The following CELF4 variants were observed in gnomAD, a reference collection of about 807,000 sequenced individuals.
CELF4 encodes the protein CUG-BP- and ETR-3-like factor 4.
In CELF4, 18 loss-of-function variants were observed where a neutral mutation model predicts 59.9. The observed-to-expected ratio is 0.30, with a 90% confidence interval of 0.21 to 0.45. The LOEUF is 0.45. CELF4 is among the 20% of genes least tolerant of loss of function. CELF4 has a pLI of 1.00. For synonymous variants in CELF4, 261 were observed against 267.1 expected, an observed-to-expected ratio of 0.98 and a Z score of 0.22; for missense variants, 456 against 689.0, an observed-to-expected ratio of 0.66 and a Z score of 3.79.
intron 2 of CELF4, among the ~76,000 whole-genome samples, chr18:37,421,337 G>C (rs965409287): frequency 1.3e-5 from 2 of 152,188 alleles, no homozygotes; most frequent in Non-Finnish European, 2.9e-5. Context: ...CCCTCCTTGC[G>C]CACTGGCTGG....
chr18:37,335,703 GT>G (rs1276684464), intron 2 of CELF4, among the ~76,000 whole-genome samples: 1 of 151,986 alleles, frequency 6.6e-6, no homozygotes, highest in Non-Finnish European at 1.5e-5. Context: ...GAACATCAGG[GT>G]TTTCACAGGT....
At chr18:37,514,122 G>T (rs1457914955) in intron 1 of CELF4, among the ~76,000 whole-genome samples, 1 of 152,032 alleles carries the variant, frequency 6.6e-6, no homozygotes, top group African/African-American at 2.4e-5. Context: ...CAGAGCACTG[G>T]GTCCCTGGTA....
intron 2 of CELF4, among the ~76,000 whole-genome samples, chr18:37,333,217 T>C (rs1244818038): frequency 1.3e-5 from 2 of 152,120 alleles, no homozygotes; most frequent in African/African-American, 2.4e-5. Flanking sequence ...TATCCCCTCA[T>C]GGGGTGTGGA....
intron 2 of CELF4, among the ~76,000 whole-genome samples, chr18:37,352,163 G>A (rs538889620): frequency 1.3e-5 from 2 of 152,354 alleles, no homozygotes; most frequent in South Asian, 2.1e-4. Context: ...TCCTGGGTGT[G>A]CAAGGGCAGA....
At chr18:37,515,110 C>G (rs1238088173) in intron 1 of CELF4, among the ~76,000 whole-genome samples, 1 of 152,134 alleles carries the variant, frequency 6.6e-6, no homozygotes, top group Non-Finnish European at 1.5e-5. Context: ...TTTGATAACT[C>G]TGGGCTTAAA....
intron 1 of CELF4, among the ~76,000 whole-genome samples, chr18:37,551,546 C>T (rs1464442458): frequency 1.3e-5 from 2 of 152,194 alleles, no homozygotes; most frequent in Non-Finnish European, 2.9e-5. Context: ...TCCAGCCACT[C>T]CTGTGCTGGG....
At chr18:37,290,472 T>A (rs1007571296) in intron 3 of CELF4, among the ~76,000 whole-genome samples, 1 of 152,214 alleles carries the variant, frequency 6.6e-6, no homozygotes, top group Non-Finnish European at 1.5e-5. Context: ...CACTGATGAA[T>A]TTTTGATGTT....
intron 2 of CELF4, among the ~76,000 whole-genome samples, chr18:37,371,821 T>C (rs1434003904): frequency 1.3e-5 from 2 of 152,198 alleles, no homozygotes; most frequent in Admixed American, 6.5e-5. Context: ...CTGAGGCTTA[T>C]GCCTGACTCA....
At position 37,370,607 on chromosome 18, in the gene CELF4, G is replaced by A. The variant is rs536665940; in HGVS notation, c.370-48726C>T. Reference sequence around the variant, plus strand: ...CATACTCCTTGCACAGCAATGAAAAGTAGCATGCTTTTAATGTTTGCCTAA... The same window carrying A: ...CATACTCCTTGCACAGCAATGAAAAATAGCATGCTTTTAATGTTTGCCTAA... On this transcript the variant is annotated intron_variant, in intron 2 of 12. Coordinates refer to ENST00000420428, the MANE Select transcript of CELF4 (RefSeq NM_020180.4). Among the ~76,000 whole-genome samples, 371 of 152,248 alleles carry A rather than the reference G, an allele frequency of 2.4e-3. 2 individuals are homozygous for A. The highest frequency in any genetic ancestry group is 6.1e-3 in the Admixed American group (93 of 15,292).
intron 2 of CELF4, among the ~76,000 whole-genome samples, chr18:37,394,028 G>A (rs918019641): frequency 4.3e-4 from 65 of 152,184 alleles, no homozygotes; most frequent in African/African-American, 1.5e-3. Flanking sequence ...CCAGCTTGTC[G>A]GGGGCCGCAG....
chr18:37,291,471 G>C (rs11081995), intron 3 of CELF4, among the ~76,000 whole-genome samples: 1 of 152,156 alleles, frequency 6.6e-6, no homozygotes, highest in Non-Finnish European at 1.5e-5. Context: ...TGCCTTCAGC[G>C]AAGATAAAAT....
chr18:37,378,225 C>T (rs189016057), intron 2 of CELF4, among the ~76,000 whole-genome samples: 2,404 of 152,314 alleles, frequency 0.016, 39 homozygotes, highest in Non-Finnish European at 0.022. Flanking sequence ...GCTCGCCCCA[C>T]GCCCACCCCA....
intron 2 of CELF4, among the ~76,000 whole-genome samples, chr18:37,403,008 T>C (rs995198625): frequency 1.5e-4 from 23 of 151,952 alleles, no homozygotes; most frequent in African/African-American, 5.6e-4. Context: ...GGGGGTGGCA[T>C]CTTTTCCCTC....
intron 2 of CELF4, among the ~76,000 whole-genome samples, chr18:37,371,150 G>A (rs549301039): frequency 5.9e-5 from 9 of 152,240 alleles, no homozygotes; most frequent in South Asian, 2.1e-4. Context: ...TACCCATCAC[G>A]TCCATCTGCT....
intron 12 of CELF4, among the ~76,000 whole-genome samples, chr18:37,248,634 C>T (rs1023876527): frequency 5.3e-5 from 8 of 152,340 alleles, no homozygotes; most frequent in Admixed American, 2.0e-4. Flanking sequence ...AAGGCCCCAA[C>T]CTTCAGCTTT....
chr18:37,312,346 A>T (rs953087032), intron 3 of CELF4, among the ~76,000 whole-genome samples: 2 of 152,086 alleles, frequency 1.3e-5, no homozygotes, highest in African/African-American at 2.4e-5. Context: ...GCCAGTTGCT[A>T]ATCCTTCAGC....
intron 2 of CELF4, among the ~76,000 whole-genome samples, chr18:37,450,396 G>T (rs1046881933): frequency 6.6e-6 from 1 of 151,460 alleles, no homozygotes; most frequent in Non-Finnish European, 1.5e-5. Context: ...CTCTCTCGGT[G>T]TCTCTCTCCT....
chr18:37,431,896 T>C (rs2099669149), intron 2 of CELF4, among the ~76,000 whole-genome samples: 1 of 152,244 alleles, frequency 6.6e-6, no homozygotes, highest in South Asian at 2.1e-4. Context: ...GCAGCTTGTC[T>C]ATGCCCACAT....
intron 2 of CELF4, among the ~76,000 whole-genome samples, chr18:37,353,047 C>A (rs1335374031): frequency 6.6e-6 from 1 of 151,880 alleles, no homozygotes; most frequent in Admixed American, 6.6e-5. Context: ...CGGTGAAACC[C>A]TGTCTCTACT....
Sources: allele counts gnomAD v4.1 joint callset (sites outside exome capture counted in the v4.1 genomes callset), GRCh38; gene constraint gnomAD v4.1.1; transcripts MANE v1.5; gene names NCBI Gene and HGNC (gene_info 2026-07-23, HGNC 2026-07-21).